Variants in MLLT6 observed in about 807,000 individuals in gnomAD.
The protein encoded by MLLT6 is protein AF-17.
In MLLT6, 22 loss-of-function variants were observed where a neutral mutation model predicts 103.0. The ratio of observed to expected loss-of-function variants is 0.21; its 90% CI spans 0.15 to 0.31. The LOEUF (loss-of-function observed/expected upper bound fraction) is 0.31. Among genes scored for constraint, MLLT6 ranks in the 10% least tolerant of loss-of-function variants. The pLI is 1.00. For missense variants in MLLT6, 1,199 were observed against 1,441.7 expected, an observed-to-expected ratio of 0.83 and a Z score of 2.73; for synonymous variants, 606 against 623.5, an observed-to-expected ratio of 0.97 and a Z score of 0.42.
At position 38,726,075 on chromosome 17, in the gene MLLT6, T is replaced by C. The variant is rs551108976; in HGVS notation, c.*477T>C. ...GCAGTTTCTTCCCAGCTCGGGCAGA[T>C]GGCAGAAGGGACCCCTTGGACTTTT... On this transcript the variant is annotated 3_prime_UTR_variant, in exon 20 of 20. Coordinates refer to ENST00000621332, the MANE Select transcript of MLLT6 (RefSeq NM_005937.4). 2.1e-4 allele frequency: 50 copies of C among 237,722 alleles called. No homozygotes were observed. Among genetic ancestry groups the C allele is most frequent in the Non-Finnish European group, 3.8e-4 (46 of 121,102 alleles). 14.7% of individuals were successfully genotyped at this position (237,722 alleles called of 1,614,324 possible). A position where few individuals can be genotyped will look rare whatever the true frequency, so the allele number is the denominator to read the frequency against.
chr17:38,722,468 G>C (rs1204877607), intron 17 of MLLT6, among the ~76,000 whole-genome samples: 2 of 152,126 alleles, frequency 1.3e-5, no homozygotes, highest in African/African-American at 4.8e-5. Flanking sequence ...CTGCACTCTA[G>C]GATTTCCTTC....
intron 6 of MLLT6, among the ~76,000 whole-genome samples, chr17:38,711,212 A>T (rs1432574953): frequency 6.6e-6 from 1 of 152,050 alleles, no homozygotes; most frequent in East Asian, 1.9e-4. Context: ...CTGGGTCTGT[A>T]GTGAAGGGGA....
In MLLT6 at chr17:38,705,484, G is replaced by A. The variant is rs1372597932; in HGVS notation, c.-149G>A. 6.3e-6 allele frequency: 3 copies of A among 473,976 alleles called. No homozygotes were observed. The highest frequency in any genetic ancestry group is 1.1e-5 in the Non-Finnish European group (3 of 264,238). 29.4% of individuals were successfully genotyped at this position (473,976 alleles called of 1,614,324 possible). A position where few individuals can be genotyped will look rare whatever the true frequency, so the allele number is the denominator to read the frequency against. On this transcript the variant is annotated 5_prime_UTR_variant, in exon 1 of 20. Coordinates refer to ENST00000621332, the MANE Select transcript of MLLT6 (RefSeq NM_005937.4). Reference sequence around the variant, plus strand: ...GGAGGAGGACGCGGAGGAGGAGGAAGGAGGAGGCAAAGAAAAGAAGCGGCG... The same window carrying A: ...GGAGGAGGACGCGGAGGAGGAGGAAAGAGGAGGCAAAGAAAAGAAGCGGCG...
At position 38,726,621 on chromosome 17, in the gene MLLT6, C is replaced by A. The variant is rs1449503886; in HGVS notation, c.*1023C>A. On this transcript the variant is annotated 3_prime_UTR_variant, in exon 20 of 20. Transcript: ENST00000621332. ...TCGCTGGGGGCACAGGGCTTTGAATCAGGGTAGTATCCTGCCTTCCCTCCC... is the reference window on the plus strand; with the variant it reads ...TCGCTGGGGGCACAGGGCTTTGAATAAGGGTAGTATCCTGCCTTCCCTCCC... 1 of 233,666 alleles carries A rather than the reference C, an allele frequency of 4.3e-6. No individual in the cohort carries two copies. The highest frequency in any genetic ancestry group is 6.0e-5 in the East Asian group (1 of 16,608). The allele number at this position is 233,666 out of a possible 1,614,324, so 14.5% of individuals were successfully genotyped here.
At chr17:38,719,656 C>A in intron 13 of MLLT6, 73 bp downstream of exon 13, 1 of 1,564,772 alleles carries the variant, frequency 6.4e-7, no homozygotes. Context: ...ACGGAGAGAC[C>A]GGCGTGGGCT....
rs140079089 is a variant in MLLT6, at chr17:38,720,479, G to C, written c.2263G>C (p.Val755Leu). 6 of 1,612,892 alleles carry C rather than the reference G, an allele frequency of 3.7e-6. No homozygotes were observed. Among genetic ancestry groups the C allele is most frequent in the Non-Finnish European group, 5.1e-6 (6 of 1,179,932 alleles). ...AKKERLQILN[V>L]QLSVPFPALP... ...AAAGGAGCGGCTGCAGATTCTCAACGTGCAGCTCTCTGTGCCCTTCCCTGC... is the reference window on the plus strand; with the variant it reads ...AAAGGAGCGGCTGCAGATTCTCAACCTGCAGCTCTCTGTGCCCTTCCCTGC... The change falls in exon 15 of 20, where the codon GTG (valine) becomes CTG (leucine). Residue 755 changes from valine (V) to leucine (L), a missense_variant. Transcript: ENST00000621332.
chr17:38,724,680 C>T lies in MLLT6; in HGVS notation c.2944C>T (p.Arg982Cys), dbSNP rs1015906127. The change falls in exon 19 of 20, where the codon CGC becomes TGC. Residue 982 changes from arginine to cysteine, a missense_variant. Transcript: ENST00000621332. The surrounding 1 kb of genome is among the most constrained non-coding windows in gnomAD (Gnocchi z 5.4). Reference sequence around the variant, plus strand: ...GATCCAGCAGAAACGGGAGCTGCAGCGCCTGCAGATGGCTGGGGGCTCCCA... The same window carrying T: ...GATCCAGCAGAAACGGGAGCTGCAGTGCCTGCAGATGGCTGGGGGCTCCCA... ...QQIQQKRELQ[R>C]LQMAGGSQLP... 13 of 1,612,466 alleles carry T rather than the reference C, an allele frequency of 8.1e-6. No individual in the cohort carries two copies. Among genetic ancestry groups the T allele is most frequent in the Admixed American group, 5.0e-5 (3 of 59,934 alleles).
chr17:38,708,322 G>A (rs1278731675), intron 4 of MLLT6: 3 of 160,296 alleles, frequency 1.9e-5, no homozygotes, highest in Non-Finnish European at 4.1e-5. Flanking sequence ...AAGAAAATAA[G>A]ACACTAAAAT....
intron 14 of MLLT6, chr17:38,720,142 C>T (rs1905626706): frequency 1.2e-5 from 8 of 692,380 alleles, no homozygotes; most frequent in East Asian, 5.4e-5. Context: ...TTCCGCCCTT[C>T]TCTCCTGACC....
intron 19 of MLLT6, 94 bp downstream of exon 19, chr17:38,725,070 G>T: frequency 2.1e-6 from 2 of 951,242 alleles, no homozygotes; most frequent in Non-Finnish European, 3.1e-6. Flanking sequence ...CTCAGCAGGG[G>T]GAAGGAAGCA....
At chr17:38,717,767 G>GC in intron 11 of MLLT6, 78 bp from the exon 12 acceptor site, 1 of 1,400,028 alleles carries the variant, frequency 7.1e-7, no homozygotes, top group South Asian at 1.2e-5. Context: ...AGCACACCCG[G>GC]CCCCCTGCAC....
intron 12 of MLLT6, 36 bp from the exon 13 acceptor site, chr17:38,719,481 T>A (rs1230297646): frequency 1.9e-6 from 3 of 1,566,224 alleles, no homozygotes; most frequent in Non-Finnish European, 2.6e-6. Flanking sequence ...CAGCTACCAC[T>A]CCTCCACGCT....
intron 8 of MLLT6, chr17:38,714,523 A>C (rs972972953): frequency 6.6e-5 from 10 of 152,246 alleles, no homozygotes; most frequent in African/African-American, 2.4e-4. Flanking sequence ...GGATCACCTG[A>C]GGTCAGGGGT....
rs755822484 is a variant in MLLT6 at position 38,720,367 on chromosome 17, C to T, written c.2156-5C>T. On this transcript the variant is annotated splice_polypyrimidine_tract_variant and splice_region_variant and intron_variant, in intron 14 of 19. Transcript: ENST00000621332. ...CCTCCCTCAGGTTCCTCGCTCTCTC[C>T]GCAGTCGTGGAGATGCTGAAGGCGC... 26 of 1,586,644 alleles carry T rather than the reference C, an allele frequency of 1.6e-5. No homozygotes were observed. The Middle Eastern group carries it at 5.7e-4, about 35-fold the overall frequency.
Position 38,728,139 on chromosome 17 carries a change from G to A in MLLT6, c.*2541G>A, listed in dbSNP as rs1906132989. 1 of 233,216 alleles carries A rather than the reference G, an allele frequency of 4.3e-6. No homozygotes were observed. The highest frequency in any genetic ancestry group is 1.8e-4 in the South Asian group (1 of 5,536). The allele number at this position is 233,216 out of a possible 1,614,324, so 14.4% of individuals were successfully genotyped here. A position where few individuals can be genotyped will look rare whatever the true frequency, so the allele number is the denominator to read the frequency against. On this transcript the variant is annotated 3_prime_UTR_variant, in exon 20 of 20. Coordinates refer to ENST00000621332, the MANE Select transcript of MLLT6 (RefSeq NM_005937.4). ...CGGTTAGGTTAGATTTGAAGACGGG[G>A]CCCAGGCTGGGTATGAACGGGTGCA...
At chr17:38,710,918 T>C (rs1264964893) in intron 6 of MLLT6, among the ~76,000 whole-genome samples, 2 of 152,148 alleles carry the variant, frequency 1.3e-5, no homozygotes, top group African/African-American at 4.8e-5. Flanking sequence ...TGGAGACATT[T>C]AGATTTGGTG....
intron 2 of MLLT6, 45 bp downstream of exon 2, chr17:38,707,074 CA>C (rs773044748): frequency 1.3e-6 from 2 of 1,535,014 alleles, no homozygotes; most frequent in Admixed American, 3.5e-5. Context: ...CCCTCCCACA[CA>C]CCTGAGCGTC....
intron 6 of MLLT6, among the ~76,000 whole-genome samples, chr17:38,711,445 C>G (rs1420476869): frequency 6.6e-6 from 1 of 152,090 alleles, no homozygotes; most frequent in Non-Finnish European, 1.5e-5. Flanking sequence ...CAGGGGAGCA[C>G]TGGCTCCCCA....
intron 4 of MLLT6, chr17:38,708,937 T>C: frequency 1.9e-6 from 1 of 515,936 alleles, no homozygotes; most frequent in Admixed American, 3.8e-5. Flanking sequence ...AAATACAGTT[T>C]AGAATCTAGT....
Sources: allele counts gnomAD v4.1 joint callset (sites outside exome capture counted in the v4.1 genomes callset), GRCh38; gene constraint gnomAD v4.1.1; non-coding constraint Gnocchi (gnomAD v3.1); transcripts MANE v1.5; gene names NCBI Gene and HGNC (gene_info 2026-07-23, HGNC 2026-07-21).